NAP1L4: variants seen among roughly 807,000 people sequenced by gnomAD.
NAP1L4 encodes the protein nucleosome assembly protein 1-like 4.
In NAP1L4, 15 loss-of-function variants were observed where a neutral mutation model predicts 58.2. That is an observed-to-expected ratio of 0.26 (90% CI 0.17 to 0.40). The LOEUF (loss-of-function observed/expected upper bound fraction) is 0.40, where lower values mean the gene tolerates loss of function less well. Among genes scored for constraint, NAP1L4 ranks in the 10% least tolerant of loss-of-function variants. The probability of loss-of-function intolerance (pLI) is 1.00; values close to 1 mark genes in which losing one functional copy is unlikely to be tolerated. For synonymous variants in NAP1L4, 171 were observed against 155.6 expected (o/e 1.10, Z -0.74); for missense variants, 384 against 451.1 (o/e 0.85, Z 1.35).
At chr11:2,960,164 G>C (rs574985836) in intron 8 of NAP1L4, 14 of 387,464 alleles carry the variant, frequency 3.6e-5, no homozygotes, top group Non-Finnish European at 5.7e-5. Context: ...ACCAATAGGC[G>C]TCAAGCTCTC....
At position 2,959,007 on chromosome 11, in the gene NAP1L4, G is replaced by A. The variant is rs764763102; in HGVS notation, c.747-463C>T. The A allele has an allele frequency of 4.5e-5, 8 of 176,018 alleles. No homozygotes were observed. Among genetic ancestry groups the A allele is most frequent in the African/African-American group, 9.6e-5 (4 of 41,710 alleles). 10.9% of individuals were successfully genotyped at this position (176,018 alleles called of 1,614,324 possible). On this transcript the variant is annotated intron_variant, in intron 9 of 15. Coordinates refer to ENST00000380542, the MANE Select transcript of NAP1L4 (RefSeq NM_005969.4). The surrounding 1 kb of genome is among the most constrained non-coding windows in gnomAD (Gnocchi z 4.9). ...CCACTCCAGCCCCAGGGATGCTGGC[G>A]AGGGCTGAGCACAGCACGCTCTCTC...
chr11:2,971,328 G>A lies in NAP1L4; in HGVS notation c.402+120C>T. 1 of 787,754 alleles carries A rather than the reference G, an allele frequency of 1.3e-6. No individual in the cohort carries two copies. Among genetic ancestry groups the A allele is most frequent in the Non-Finnish European group, 2.0e-6 (1 of 492,364 alleles). 48.8% of individuals were successfully genotyped at this position (787,754 alleles called of 1,614,324 possible). A position where few individuals can be genotyped will look rare whatever the true frequency, so the allele number is the denominator to read the frequency against. ...GAAAGGAATCTAAACCCAACCTAAT[G>A]ATGCAGCAGCACCTACTGTTAGAAG... On this transcript the variant is annotated intron_variant, in intron 6 of 15. Transcript: ENST00000380542. The surrounding 1 kb of genome is among the most constrained non-coding windows in gnomAD (Gnocchi z 4.2).
chr11:2,972,336 G>A (rs1847687704), intron 4 of NAP1L4, 93 bp from the exon 5 acceptor site: 5 of 1,150,780 alleles, frequency 4.3e-6, no homozygotes, highest in South Asian at 1.9e-5. Context: ...AGGTTAACAT[G>A]GAATCAACAT....
chr11:2,991,286 G>C (rs1848950320), intron 1 of NAP1L4: 1 of 367,124 alleles, frequency 2.7e-6, no homozygotes, highest in African/African-American at 2.1e-5. Context: ...TCATGACCAG[G>C]CCATCCTTCG....
chr11:2,954,466 C>A lies in NAP1L4; in HGVS notation c.1035+61G>T. On this transcript the variant is annotated intron_variant, in intron 12 of 15. Transcript: ENST00000380542. The surrounding 1 kb of genome is among the most constrained non-coding windows in gnomAD (Gnocchi z 4.8). ...GGGTTTCCTAAGCCACAATTCAGGG[C>A]CACTCTGCACCAACAGAGATAAGCA... The A allele has an allele frequency of 6.2e-7, 1 of 1,609,452 alleles. No homozygotes were observed.
chr11:2,970,386 T>A (rs1564983696), intron 6 of NAP1L4, among the ~76,000 whole-genome samples: 1 of 151,976 alleles, frequency 6.6e-6, no homozygotes, highest in Admixed American at 6.6e-5. Context: ...ACTAATAATC[T>A]GACCTCTTGT....
At chr11:2,981,190 A>G (rs911071220) in intron 1 of NAP1L4, among the ~76,000 whole-genome samples, 51 of 151,622 alleles carry the variant, frequency 3.4e-4, no homozygotes, top group Non-Finnish European at 6.5e-4. Context: ...GTAAGCTGAA[A>G]TAACACCACT....
rs1027859619 is a variant in NAP1L4, at chr11:2,962,386, G to A, written c.606+2294C>T. On this transcript the variant is annotated intron_variant, in intron 8 of 15. Coordinates refer to ENST00000380542, the MANE Select transcript of NAP1L4 (RefSeq NM_005969.4). ...GTGCACACACCATGTGGTGTGGCAG[G>A]AGCCGTGTGGCACACGTGTGCACTG... 1.8e-4 allele frequency among the ~76,000 whole-genome samples: 27 copies of A among 152,224 alleles called. 1 individual carries two copies. The highest frequency in any genetic ancestry group is 6.5e-5 in the Admixed American group (1 of 15,290).
chr11:2,978,161 A>T, intron 3 of NAP1L4, 123 bp downstream of exon 3: 2 of 855,944 alleles, frequency 2.3e-6, no homozygotes, highest in Admixed American at 2.9e-5. Flanking sequence ...TTTTCATTTT[A>T]ATTACTCTAG....
intron 1 of NAP1L4, chr11:2,990,900 A>C: frequency 8.9e-6 from 3 of 337,684 alleles, no homozygotes; most frequent in Non-Finnish European, 1.8e-5. Flanking sequence ...GTAACTTAGA[A>C]AGACTTACCT....
chr11:2,972,273 C>T, intron 4 of NAP1L4, 30 bp from the exon 5 acceptor site: 3 of 1,561,798 alleles, frequency 1.9e-6, no homozygotes, highest in East Asian at 2.3e-5. Context: ...ATACAACATC[C>T]TCATGCCTGC....
At chr11:2,977,785 A>G (rs1848053587) in intron 3 of NAP1L4, among the ~76,000 whole-genome samples, 1 of 151,948 alleles carries the variant, frequency 6.6e-6, no homozygotes, top group Non-Finnish European at 1.5e-5. Flanking sequence ...TGGTGGAAAA[A>G]TATCACATCT....
intron 7 of NAP1L4, among the ~76,000 whole-genome samples, chr11:2,969,598 C>A (rs188035494): frequency 1.7e-4 from 26 of 152,242 alleles, no homozygotes; most frequent in African/African-American, 6.3e-4. Context: ...CCAAGAACTG[C>A]AAAAGACAGC....
chr11:2,951,693 G>C lies in NAP1L4; in HGVS notation c.1065+87C>G. 1 of 1,383,184 alleles carries C rather than the reference G, an allele frequency of 7.2e-7. No homozygotes were observed. Among genetic ancestry groups the C allele is most frequent in the Non-Finnish European group, 1.0e-6 (1 of 975,376 alleles). The allele number at this position is 1,383,184 out of a possible 1,614,324, so 85.7% of individuals were successfully genotyped here. On this transcript the variant is annotated intron_variant, in intron 13 of 15. Coordinates refer to ENST00000380542, the MANE Select transcript of NAP1L4 (RefSeq NM_005969.4). The surrounding 1 kb of genome is among the most constrained non-coding windows in gnomAD (Gnocchi z 4.0). The stretch of plus-strand genomic sequence containing the variant: ...CGTCACAAAAAATGGGTTTAACACA[G>C]CCCTGTGAGTCCATAACCTTCAAGC...
chr11:2,977,569 G>C (rs964781030), intron 3 of NAP1L4, among the ~76,000 whole-genome samples: 3 of 152,174 alleles, frequency 2.0e-5, no homozygotes, highest in Non-Finnish European at 4.4e-5. Context: ...CATGATCCTT[G>C]AATAGGTGCT....
chr11:2,970,449 AG>A (rs1433692411), intron 6 of NAP1L4, among the ~76,000 whole-genome samples: 2 of 152,176 alleles, frequency 1.3e-5, no homozygotes, highest in African/African-American at 4.8e-5. Context: ...TTGCCGCAGC[AG>A]TATCTGCAGC....
In NAP1L4 at chr11:2,964,670, C is replaced by T. The variant is rs1264093244; in HGVS notation, c.606+10G>A. 3 of 1,611,246 alleles carry T rather than the reference C, an allele frequency of 1.9e-6. No individual in the cohort carries two copies. Among genetic ancestry groups the T allele is most frequent in the Non-Finnish European group, 2.5e-6 (3 of 1,177,632 alleles). On this transcript the variant is annotated intron_variant, in intron 8 of 15. Coordinates refer to ENST00000380542, the MANE Select transcript of NAP1L4 (RefSeq NM_005969.4). Reference sequence around the variant, plus strand: ...TCTGATGCCAACCAGAAGGTCAAGTCAGTACTCACCATAGGCTGTCCAGGG... The same window carrying T: ...TCTGATGCCAACCAGAAGGTCAAGTTAGTACTCACCATAGGCTGTCCAGGG...
At chr11:2,970,214 C>T (rs952773270) in intron 6 of NAP1L4, among the ~76,000 whole-genome samples, 2 of 152,170 alleles carry the variant, frequency 1.3e-5, no homozygotes, top group Admixed American at 1.3e-4. Context: ...CTGGGAAAGG[C>T]CATCCAGTGC....
At chr11:2,991,410 A>G (rs897126704) in intron 1 of NAP1L4, 1 of 200,038 alleles carries the variant, frequency 5.0e-6, no homozygotes, top group African/African-American at 2.3e-5. Flanking sequence ...AAAGAAAAGC[A>G]TGGCACTTTC....
Sources: gnomAD v4.1 joint callset for allele counts (sites outside exome capture counted in the v4.1 genomes callset) on GRCh38, gnomAD v4.1.1 for gene constraint, Gnocchi (gnomAD v3.1) non-coding constraint, MANE v1.5 for transcripts, NCBI Gene and HGNC (gene_info 2026-07-23, HGNC 2026-07-21) for gene names.